The following DLG2 variants were observed in gnomAD, a reference collection of about 807,000 sequenced individuals.
The protein encoded by DLG2 is disks large homolog 2.
In DLG2, 45 loss-of-function variants were observed where a neutral mutation model predicts 132.5. That is an observed-to-expected ratio of 0.34 (90% confidence interval 0.27 to 0.44). The LOEUF is 0.44. DLG2 is among the 20% of genes least tolerant of loss of function. The pLI is 1.00. For missense variants in DLG2, 1,045 were observed against 1,196.9 expected (o/e 0.87, Z 1.87); for synonymous variants, 424 against 419.6 (o/e 1.01, Z -0.13).
At chr11:84,377,240 A>C (rs1196215999) in intron 7 of DLG2, among the ~76,000 whole-genome samples, 1 of 152,016 alleles carries the variant, frequency 6.6e-6, no homozygotes, top group Non-Finnish European at 1.5e-5. Flanking sequence ...CACCAAAAGA[A>C]AACAATTCTA....
intron 8 of DLG2, among the ~76,000 whole-genome samples, chr11:84,234,630 C>A (rs1329087268): frequency 2.0e-5 from 3 of 152,158 alleles, no homozygotes; most frequent in African/African-American, 7.2e-5. Context: ...CTAGTTCAGG[C>A]CATGATGGGA....
chr11:85,362,404 GTCCTCAGATAGA>G (rs1223047486), intron 3 of DLG2, among the ~76,000 whole-genome samples: 1 of 151,992 alleles, frequency 6.6e-6, no homozygotes, highest in Non-Finnish European at 1.5e-5. Context: ...TCTTGATTTG[GTCCTCAGATAGA>G]TCACTACTGG....
chr11:85,308,918 A>G (rs942631185), intron 3 of DLG2, among the ~76,000 whole-genome samples: 4 of 152,084 alleles, frequency 2.6e-5, no homozygotes, highest in Non-Finnish European at 5.9e-5. Context: ...ATGGTGGGTA[A>G]TATTATTATT....
At chr11:83,611,309 A>G (rs1394839043) in intron 19 of DLG2, among the ~76,000 whole-genome samples, 2 of 152,318 alleles carry the variant, frequency 1.3e-5, no homozygotes, top group East Asian at 3.9e-4. Context: ...AGAGAGAGAC[A>G]GAGAGAGGCA....
intron 3 of DLG2, among the ~76,000 whole-genome samples, chr11:85,549,764 G>A (rs1184861937): frequency 5.9e-5 from 9 of 152,252 alleles, no homozygotes; most frequent in African/African-American, 2.2e-4. Context: ...AGTGACCTTT[G>A]GTCATCCTCA....
At chr11:85,273,069 G>C (rs1464077310) in intron 4 of DLG2, among the ~76,000 whole-genome samples, 3 of 152,130 alleles carry the variant, frequency 2.0e-5, no homozygotes, top group Non-Finnish European at 4.4e-5. Context: ...AGCTGAAACT[G>C]GATCCCTTCC....
At chr11:83,884,091 A>G (rs1973691) in intron 15 of DLG2, among the ~76,000 whole-genome samples, 64,125 of 152,090 alleles carry the variant, frequency 0.42, 13,912 homozygotes, top group South Asian at 0.59. Flanking sequence ...GACAGTGGGT[A>G]CAGGACAGTG....
intron 7 of DLG2, among the ~76,000 whole-genome samples, chr11:84,482,408 T>C (rs2099140122): frequency 6.6e-6 from 1 of 152,202 alleles, no homozygotes; most frequent in African/African-American, 2.4e-5. Context: ...TGATCAAAAA[T>C]GTTGCAGGTG....
Position 85,381,595 on chromosome 11 carries a change from A to T in DLG2, c.41-96230T>A, listed in dbSNP as rs560786575. On this transcript the variant is annotated intron_variant, in intron 3 of 27. Transcript: ENST00000376104. Reference sequence around the variant, plus strand: ...ACAGGTGATATGATCTCGTATATAGAAAATACTAAGGAATTCACACACAAA... The same window carrying T: ...ACAGGTGATATGATCTCGTATATAGTAAATACTAAGGAATTCACACACAAA... Among the ~76,000 whole-genome samples the T allele has an allele frequency of 4.6e-5, 7 of 152,238 alleles. No homozygotes were observed. The South Asian group carries it at 1.5e-3, about 32-fold the overall frequency.
chr11:84,905,410 G>A (rs976158277), intron 6 of DLG2, among the ~76,000 whole-genome samples: 1 of 152,088 alleles, frequency 6.6e-6, no homozygotes, highest in Non-Finnish European at 1.5e-5. Context: ...TAGACTCTAT[G>A]ACTTAACACA....
chr11:84,874,398 A>T (rs2085982573), intron 6 of DLG2, among the ~76,000 whole-genome samples: 1 of 152,194 alleles, frequency 6.6e-6, no homozygotes, highest in African/African-American at 2.4e-5. Flanking sequence ...ATATTCAAGG[A>T]ACTGAAAGAA....
chr11:83,944,478 T>C (rs978840956), intron 14 of DLG2, among the ~76,000 whole-genome samples: 1 of 152,172 alleles, frequency 6.6e-6, no homozygotes, highest in Admixed American at 6.5e-5. Context: ...TGTGAGGATC[T>C]AGAGAAAACT....
At chr11:85,141,814 C>T (rs2152432198) in intron 5 of DLG2, among the ~76,000 whole-genome samples, 1 of 151,902 alleles carries the variant, frequency 6.6e-6, no homozygotes, top group Admixed American at 6.6e-5. Flanking sequence ...AAGAGACTGT[C>T]CTTTTCCCAA....
At chr11:84,387,457 CA>C (rs893087144) in intron 7 of DLG2, among the ~76,000 whole-genome samples, 2 of 151,822 alleles carry the variant, frequency 1.3e-5, no homozygotes, top group African/African-American at 4.8e-5. Flanking sequence ...AATCTCCTCA[CA>C]AAAAAATAAA....
intron 3 of DLG2, among the ~76,000 whole-genome samples, chr11:85,577,871 A>C (rs2078253597): frequency 6.6e-6 from 1 of 152,178 alleles, no homozygotes; most frequent in Non-Finnish European, 1.5e-5. Flanking sequence ...AACACTCTTC[A>C]CAGAACTAGA....
intron 15 of DLG2, among the ~76,000 whole-genome samples, chr11:83,916,474 C>T (rs1318483989): frequency 6.6e-6 from 1 of 151,844 alleles, no homozygotes; most frequent in Non-Finnish European, 1.5e-5. Context: ...TGACAGTATG[C>T]CTGGCTAATT....
At chr11:84,405,469 G>A (rs892434253) in intron 7 of DLG2, among the ~76,000 whole-genome samples, 5 of 152,138 alleles carry the variant, frequency 3.3e-5, no homozygotes, top group African/African-American at 1.2e-4. Context: ...GTAGAATATT[G>A]TATGATTGGA....
intron 3 of DLG2, among the ~76,000 whole-genome samples, chr11:85,586,929 T>C (rs780190334): frequency 3.3e-5 from 5 of 152,214 alleles, no homozygotes; most frequent in Non-Finnish European, 1.5e-5. Context: ...AATTTTTTAA[T>C]TTCCATCTTG....
intron 6 of DLG2, among the ~76,000 whole-genome samples, chr11:84,642,386 T>A (rs764522645): frequency 1.3e-4 from 20 of 151,868 alleles, no homozygotes; most frequent in Non-Finnish European, 2.4e-4. Flanking sequence ...TTGTATGGAG[T>A]ATAAATCAAA....
Sources: allele counts gnomAD v4.1 joint callset (sites outside exome capture counted in the v4.1 genomes callset), GRCh38; gene constraint gnomAD v4.1.1; transcripts MANE v1.5; gene names NCBI Gene and HGNC (gene_info 2026-07-23, HGNC 2026-07-21).